Variants in NFAT5 observed in about 807,000 individuals in gnomAD.
NFAT5 encodes nuclear factor of activated T-cells 5.
A neutral mutation model predicts 166.5 loss-of-function variants in NFAT5; 31 were observed. The ratio of observed to expected loss-of-function variants is 0.19; its 90% CI spans 0.14 to 0.25. The LOEUF is 0.25. Among genes scored for constraint, NFAT5 ranks in the 10% least tolerant of loss-of-function variants. NFAT5 has a pLI of 1.00. For synonymous variants in NFAT5, 612 were observed against 639.7 expected, an observed-to-expected ratio of 0.96 and a Z score of 0.65; for missense variants, 1,449 against 1,821.8, an observed-to-expected ratio of 0.80 and a Z score of 3.72.
chr16:69,659,004 A>G (rs2036009585), intron 6 of NFAT5, among the ~76,000 whole-genome samples: 1 of 152,182 alleles, frequency 6.6e-6, no homozygotes, highest in Non-Finnish European at 1.5e-5. Context: ...CAATGTGGTA[A>G]CATACTTTTT....
chr16:69,640,392 C>T (rs1016124090), intron 3 of NFAT5, among the ~76,000 whole-genome samples: 1 of 151,992 alleles, frequency 6.6e-6, no homozygotes, highest in Non-Finnish European at 1.5e-5. Flanking sequence ...TTAAACTTTG[C>T]ATTAATATTA....
intron 9 of NFAT5, among the ~76,000 whole-genome samples, chr16:69,674,647 G>C (rs2036760798): frequency 6.6e-6 from 1 of 152,252 alleles, no homozygotes; most frequent in East Asian, 1.9e-4. Flanking sequence ...TTTCAAATCA[G>C]TTCTAAGAGT....
rs548074222 is a variant in NFAT5, at chr16:69,702,738, T to C, written c.*6387T>C. 2.0e-5 allele frequency: 3 copies of C among 152,670 alleles called. No individual in the cohort carries two copies. Among genetic ancestry groups the C allele is most frequent in the Non-Finnish European group, 2.9e-5 (2 of 68,032 alleles). 9.5% of individuals were successfully genotyped at this position (152,670 alleles called of 1,614,324 possible). A position where few individuals can be genotyped will look rare whatever the true frequency, so the allele number is the denominator to read the frequency against. Reference sequence around the variant, plus strand: ...ACTGGGCTAAGACTCTGTTGAGATATAGAGTTTTTCTTCCACTCAGACTGA... The same window carrying C: ...ACTGGGCTAAGACTCTGTTGAGATACAGAGTTTTTCTTCCACTCAGACTGA... On this transcript the variant is annotated 3_prime_UTR_variant, in exon 15 of 15. Transcript: ENST00000349945.
chr16:69,698,190 G>A lies in NFAT5; in HGVS notation c.*1839G>A, dbSNP rs762783938. 3 of 152,100 alleles carry A rather than the reference G, an allele frequency of 2.0e-5. No homozygotes were observed. The highest frequency in any genetic ancestry group is 2.1e-4 in the South Asian group (1 of 4,812). 9.4% of individuals were successfully genotyped at this position (152,100 alleles called of 1,614,324 possible). A position where few individuals can be genotyped will look rare whatever the true frequency, so the allele number is the denominator to read the frequency against. On this transcript the variant is annotated 3_prime_UTR_variant, in exon 15 of 15. Coordinates refer to ENST00000349945, the MANE Select transcript of NFAT5 (RefSeq NM_138713.4). ...TTTTCAGTAGTACAGGCTTCTTGCC[G>A]ATATGAAGGGAACTTTTCAGAAAGA...
intron 2 of NFAT5, among the ~76,000 whole-genome samples, chr16:69,573,228 C>T (rs1376402957): frequency 6.6e-6 from 1 of 152,022 alleles, no homozygotes; most frequent in African/African-American, 2.4e-5. Flanking sequence ...AGAAAATAAA[C>T]TATGATTTTT....
intron 10 of NFAT5, among the ~76,000 whole-genome samples, chr16:69,679,210 C>T (rs1404534716): frequency 6.6e-6 from 1 of 152,002 alleles, no homozygotes; most frequent in Non-Finnish European, 1.5e-5. Flanking sequence ...GGATTACAGG[C>T]GTGAGCCACC....
rs571355810 is a variant in NFAT5 at position 69,692,270 on chromosome 16, G to C, written c.2445G>C (p.Leu815Phe). ...GTGGCAGCAGTGGAAGTGTTGACTT[G>C]GTCCAACAAGTTTTAGAGGCACAGC... ...TASGSSGSVD[L>F]VQQVLEAQQQ... Residue 815 changes from leucine to phenylalanine, a missense_variant, in exon 13 of 15, where the codon TTG becomes TTC. Transcript: ENST00000349945. 1 of 1,614,148 alleles carries C rather than the reference G, an allele frequency of 6.2e-7. No homozygotes were observed. Among genetic ancestry groups the C allele is most frequent in the South Asian group, 1.1e-5 (1 of 91,082 alleles).
intron 7 of NFAT5, among the ~76,000 whole-genome samples, chr16:69,666,507 G>A (rs886998351): frequency 1.2e-4 from 18 of 152,186 alleles, no homozygotes; most frequent in South Asian, 8.3e-4. Context: ...ACAAGTGGGC[G>A]AAGGACATGA....
chr16:69,658,039 G>A (rs1157140274), intron 6 of NFAT5, among the ~76,000 whole-genome samples: 3 of 144,762 alleles, frequency 2.1e-5, no homozygotes, highest in East Asian at 2.1e-4. Flanking sequence ...AGCCAAGATC[G>A]CTCCACTGCA....
intron 6 of NFAT5, 55 bp from the exon 7 acceptor site, chr16:69,659,672 C>T: frequency 3.6e-6 from 5 of 1,386,870 alleles, no homozygotes. Context: ...TGATTAAGAA[C>T]ATTATACTAT....
chr16:69,611,518 T>C (rs2033701677), intron 2 of NFAT5, among the ~76,000 whole-genome samples: 1 of 152,202 alleles, frequency 6.6e-6, no homozygotes, highest in Non-Finnish European at 1.5e-5. Flanking sequence ...GCAAGGTAAT[T>C]TATAAACAAT....
chr16:69,583,572 A>G (rs2031840497), intron 2 of NFAT5, among the ~76,000 whole-genome samples: 1 of 152,182 alleles, frequency 6.6e-6, no homozygotes, highest in African/African-American at 2.4e-5. Flanking sequence ...AACCTAGCAT[A>G]TGATAAAATC....
In NFAT5 at chr16:69,697,939, C is replaced by CTTTT. The variant is rs199818366; in HGVS notation, c.*1602_*1605dup. ...AATTGTTGAAGGCTACTTTTCTGTT[C>CTTTT]TTTTTTTTTTTTTTTTTCTATCCTG... is the stretch of plus-strand genomic sequence containing the variant. On this transcript the variant is annotated 3_prime_UTR_variant, in exon 15 of 15. Coordinates refer to ENST00000349945, the MANE Select transcript of NFAT5 (RefSeq NM_138713.4). 1.5e-5 allele frequency: 2 copies of CTTTT among 131,456 alleles called. No individual in the cohort carries two copies. The highest frequency in any genetic ancestry group is 5.6e-5 in the African/African-American group (2 of 35,402). 8.1% of individuals were successfully genotyped at this position (131,456 alleles called of 1,614,324 possible).
At chr16:69,635,390 T>C (rs1029975002) in intron 3 of NFAT5, among the ~76,000 whole-genome samples, 5 of 152,208 alleles carry the variant, frequency 3.3e-5, no homozygotes, top group African/African-American at 1.2e-4. Context: ...CTTTGCATTC[T>C]CACCCAGTCT....
chr16:69,585,477 A>AC (rs1333021499), intron 2 of NFAT5, among the ~76,000 whole-genome samples: 26 of 152,118 alleles, frequency 1.7e-4, no homozygotes, highest in African/African-American at 5.8e-4. Context: ...ATAGGTATAT[A>AC]CCCCCAATAA....
At chr16:69,597,940 G>A (rs185793439) in intron 2 of NFAT5, among the ~76,000 whole-genome samples, 2 of 152,298 alleles carry the variant, frequency 1.3e-5, no homozygotes, top group Non-Finnish European at 2.9e-5. Context: ...GATTACCCTT[G>A]CTAGGCCTTA....
chr16:69,675,670 G>T (rs1237781707), intron 9 of NFAT5, among the ~76,000 whole-genome samples: 1 of 151,832 alleles, frequency 6.6e-6, no homozygotes, highest in East Asian at 1.9e-4. Flanking sequence ...ACAGAGTTAC[G>T]CTCTTGTTGC....
In NFAT5 at chr16:69,704,345, T is replaced by A. The variant is rs577493007; in HGVS notation, c.*7994T>A. On this transcript the variant is annotated 3_prime_UTR_variant, in exon 15 of 15. Coordinates refer to ENST00000349945, the MANE Select transcript of NFAT5 (RefSeq NM_138713.4). ...GGTTTAGCTACCATTCTGCCATTTT[T>A]AATTTTTATTTAATTTTATTTGCTT... The A allele has an allele frequency of 6.5e-6, 1 of 152,788 alleles. No individual in the cohort carries two copies. The highest frequency in any genetic ancestry group is 1.9e-4 in the East Asian group (1 of 5,196). 9.5% of individuals were successfully genotyped at this position (152,788 alleles called of 1,614,324 possible).
At chr16:69,577,791 A>C (rs1434510634) in intron 2 of NFAT5, among the ~76,000 whole-genome samples, 2 of 152,188 alleles carry the variant, frequency 1.3e-5, no homozygotes, top group Admixed American at 1.3e-4. Context: ...TATAAAGGAC[A>C]CGGGTTATAT....
Sources: gnomAD v4.1 joint callset for allele counts (sites outside exome capture counted in the v4.1 genomes callset) on GRCh38, gnomAD v4.1.1 for gene constraint, MANE v1.5 for transcripts, NCBI Gene and HGNC (gene_info 2026-07-23, HGNC 2026-07-21) for gene names.